Variants in SPRY1 observed in about 807,000 individuals in gnomAD.
SPRY1 encodes sprouty RTK signaling antagonist 1, also known as protein sprouty homolog 1.
SPRY1 carries 20 observed loss-of-function variants against 22.6 expected under a neutral mutation model. The ratio of observed to expected loss-of-function variants is 0.89; its 90% confidence interval spans 0.62 to 1.29. The LOEUF (loss-of-function observed/expected upper bound fraction) is 1.29. SPRY1 is among the 50% of genes most tolerant of loss of function. The pLI is 0.00. For synonymous variants in SPRY1, 155 were observed against 144.7 expected (o/e 1.07, Z -0.51); for missense variants, 446 against 387.7 (o/e 1.15, Z -1.26).
rs978101716 is a variant in SPRY1 at position 123,403,018 on chromosome 4, C to T, written c.*467C>T. 4.9e-6 allele frequency: 2 copies of T among 407,780 alleles called. No homozygotes were observed. Among genetic ancestry groups the T allele is most frequent in the East Asian group, 3.6e-5 (1 of 27,656 alleles). 25.3% of individuals were successfully genotyped at this position (407,780 alleles called of 1,614,324 possible). ...GTTAGGGCTATCTTCCTAGCATAGG[C>T]CCCTTAAGTAGCATGGGGGATATAT... On this transcript the variant is annotated 3_prime_UTR_variant, in exon 3 of 3. Transcript: ENST00000651917.
In SPRY1 at chr4:123,402,288, T is replaced by C. The variant is rs779233192; in HGVS notation, c.697T>C (p.Ser233Pro). 1 of 1,614,206 alleles carries C rather than the reference T, an allele frequency of 6.2e-7. No homozygotes were observed. Among genetic ancestry groups the C allele is most frequent in the South Asian group, 1.1e-5 (1 of 91,078 alleles). The change falls in exon 3 of 3, where the codon TCC (serine) becomes CCC (proline). Residue 233 changes from serine to proline, a missense_variant. Physicochemically the swap from Ser to Pro is moderately conservative, Grantham distance 74. Coordinates refer to ENST00000651917, the MANE Select transcript of SPRY1 (RefSeq NM_001258038.2). The stretch of plus-strand genomic sequence containing the variant: ...AGTCAAGGGCATCTTCTACCACTGC[T>C]CCAATGACGACGAAGGGGATTCCTA... The part of the protein sequence containing the change: ...CLVKGIFYHC[S>P]NDDEGDSYSD...
intron 2 of SPRY1, among the ~76,000 whole-genome samples, chr4:123,398,891 T>C (rs1282861752): frequency 4.0e-5 from 6 of 151,882 alleles, no homozygotes; most frequent in Admixed American, 3.9e-4. Context: ...GGAGGCCCTC[T>C]TTGGAGGAGT....
In SPRY1 at chr4:123,401,711, C is replaced by T. The variant is rs1446523751; in HGVS notation, c.120C>T (p.Ser40=). Residue 40 remains serine, a synonymous_variant, in exon 3 of 3, where the codon TCC becomes TCT. Coordinates refer to ENST00000651917, the MANE Select transcript of SPRY1 (RefSeq NM_001258038.2). ...EREIQPTAIL[S]LDQIKAIRGS... is the part of the protein sequence containing the mutation. Reference sequence around the variant, plus strand: ...AGATTCAGCCTACTGCTATTTTGTCCTTAGACCAGATCAAGGCCATAAGAG... The same window carrying T: ...AGATTCAGCCTACTGCTATTTTGTCTTTAGACCAGATCAAGGCCATAAGAG... The T allele has an allele frequency of 6.2e-7, 1 of 1,613,980 alleles. No individual in the cohort carries two copies. Among genetic ancestry groups the T allele is most frequent in the Non-Finnish European group, 8.5e-7 (1 of 1,180,036 alleles).
rs150301606 is a variant in SPRY1, at chr4:123,401,357, T to C, written c.-55-180T>C. Among the ~76,000 whole-genome samples the C allele has an allele frequency of 1.8e-3, 272 of 152,230 alleles. 2 individuals carry two copies. Among genetic ancestry groups the C allele is most frequent in the African/African-American group, 6.1e-3 (255 of 41,526 alleles). On this transcript the variant is annotated intron_variant, in intron 2 of 2. Transcript: ENST00000651917. ...TTTATAGTCTTCCTCTATGATGTGGTCCCCAGCCTCTCCTAGAATTGGACT... is the reference window on the plus strand; with the variant it reads ...TTTATAGTCTTCCTCTATGATGTGGCCCCCAGCCTCTCCTAGAATTGGACT...
At chr4:123,397,426 G>T (rs1166706665) in intron 1 of SPRY1, among the ~76,000 whole-genome samples, 185 bp from the exon 2 acceptor site, 1 of 152,174 alleles carries the variant, frequency 6.6e-6, no homozygotes, top group Non-Finnish European at 1.5e-5. Flanking sequence ...AAACGTGCAG[G>T]ACTGCATGTT....
At chr4:123,400,156 A>G (rs1474947963) in intron 2 of SPRY1, 1 of 152,238 alleles carries the variant, frequency 6.6e-6, no homozygotes, top group Non-Finnish European at 1.5e-5. Flanking sequence ...AGTCAGGATT[A>G]GATGTTGAGG....
chr4:123,401,467 T>A, intron 2 of SPRY1, 70 bp from the exon 3 acceptor site: 1 of 1,260,408 alleles, frequency 7.9e-7, no homozygotes, highest in African/African-American at 1.6e-5. Flanking sequence ...TTTGACAGGA[T>A]TCCCCCCCCC....
At chr4:123,401,492 C>T in intron 2 of SPRY1, 45 bp from the exon 3 acceptor site, 1 of 1,429,362 alleles carries the variant, frequency 7.0e-7, no homozygotes, top group Non-Finnish European at 9.3e-7. Context: ...AAAAATGCTT[C>T]CTGTCATTTA....
intron 2 of SPRY1, among the ~76,000 whole-genome samples, 161 bp from the exon 3 acceptor site, chr4:123,401,376 T>C (rs1433954206): frequency 6.6e-6 from 1 of 152,142 alleles, no homozygotes; most frequent in Non-Finnish European, 1.5e-5. Context: ...TCTCCTAGAA[T>C]TGGACTCTGG....
At chr4:123,398,321 G>C (rs992601103) in intron 2 of SPRY1, 5 of 151,796 alleles carry the variant, frequency 3.3e-5, no homozygotes, top group African/African-American at 1.2e-4. Context: ...CTCCGCAGCC[G>C]GAAGGGGGCC....
At chr4:123,400,731 T>C (rs1044714403) in intron 2 of SPRY1, among the ~76,000 whole-genome samples, 3 of 152,224 alleles carry the variant, frequency 2.0e-5, no homozygotes, top group African/African-American at 7.2e-5. Flanking sequence ...TACACTGCGT[T>C]AAAGGCCTCA....
chr4:123,398,904 G>A (rs1000789776), intron 2 of SPRY1, among the ~76,000 whole-genome samples: 5 of 152,058 alleles, frequency 3.3e-5, no homozygotes, highest in African/African-American at 1.2e-4. Context: ...GGAGGAGTGT[G>A]CCTCAAGCAG....
intron 2 of SPRY1, chr4:123,400,069 C>T (rs796690199): frequency 1.1e-4 from 16 of 152,268 alleles, no homozygotes; most frequent in African/African-American, 3.9e-4. Context: ...GTGAATCTGG[C>T]TTAGTACTTT....
chr4:123,402,620 T>C lies in SPRY1; in HGVS notation c.*69T>C. On this transcript the variant is annotated 3_prime_UTR_variant, in exon 3 of 3. Coordinates refer to ENST00000651917, the MANE Select transcript of SPRY1 (RefSeq NM_001258038.2). ...TTGTGGCTGTTTTTTGTTTTTGTTT[T>C]TGTTTTTGTTTTCTTTAGAATTTTT... The C allele has an allele frequency of 6.6e-7, 1 of 1,522,032 alleles. No homozygotes were observed. Among genetic ancestry groups the C allele is most frequent in the South Asian group, 1.3e-5 (1 of 74,652 alleles). The allele number at this position is 1,522,032 out of a possible 1,614,324, so 94.3% of individuals were successfully genotyped here. A position where few individuals can be genotyped will look rare whatever the true frequency, so the allele number is the denominator to read the frequency against.
rs2126196454 is a variant in SPRY1, at chr4:123,401,584, C to G, written c.-8C>G. 1 of 1,608,958 alleles carries G rather than the reference C, an allele frequency of 6.2e-7. No individual in the cohort carries two copies. Among genetic ancestry groups the G allele is most frequent in the Non-Finnish European group, 8.5e-7 (1 of 1,176,248 alleles). On this transcript the variant is annotated 5_prime_UTR_variant, in exon 3 of 3. It adds an upstream start codon to the 5' untranslated region. Transcript: ENST00000651917. ...TCCACTGATTGCCAGAACTCGAGAT[C>G]ACTACACATGGATCCCCAAAATCAA...
intron 1 of SPRY1, 48 bp from the exon 2 acceptor site, chr4:123,397,563 C>G (rs1579152681): frequency 6.6e-6 from 1 of 152,114 alleles, no homozygotes; most frequent in Admixed American, 6.5e-5. Flanking sequence ...CCCAGCCCTT[C>G]GAAGAAAGGG....
chr4:123,399,496 C>G (rs929798281), intron 2 of SPRY1: 11 of 152,312 alleles, frequency 7.2e-5, no homozygotes, highest in Non-Finnish European at 1.2e-4. Flanking sequence ...TTTCCTTTTC[C>G]TTCTTCCGTC....
At chr4:123,399,541 G>C (rs953496875) in intron 2 of SPRY1, 9 of 152,398 alleles carry the variant, frequency 5.9e-5, no homozygotes, top group African/African-American at 2.2e-4. Flanking sequence ...AGAGGGCGCA[G>C]CTCCACCGTG....
chr4:123,398,064 G>C (rs546443796), intron 2 of SPRY1: 1 of 152,188 alleles, frequency 6.6e-6, no homozygotes, highest in South Asian at 2.1e-4. Flanking sequence ...CGTTCCTTGC[G>C]AGGAGCGACT....
Sources: gnomAD v4.1 joint callset for allele counts (sites outside exome capture counted in the v4.1 genomes callset) on GRCh38, gnomAD v4.1.1 for gene constraint, MANE v1.5 for transcripts, NCBI Gene and HGNC (gene_info 2026-07-23, HGNC 2026-07-21) for gene names.